The following KALRN variants were observed in gnomAD, a reference collection of about 807,000 sequenced individuals.
The protein encoded by KALRN is kalirin.
Under a neutral mutation model 353.7 loss-of-function variants are expected in KALRN, and 70 were observed. That is an observed-to-expected ratio of 0.20 (90% CI 0.16 to 0.24). The LOEUF (loss-of-function observed/expected upper bound fraction) is 0.24. Ranked by LOEUF, KALRN falls within the 10% of genes least tolerant of loss-of-function variation. The pLI, the probability that KALRN is intolerant of heterozygous loss-of-function variation, is 1.00. For missense variants in KALRN, 2,791 were observed against 3,756.7 expected, an observed-to-expected ratio of 0.74 and a Z score of 6.72; for synonymous variants, 1,391 against 1,434.8, an observed-to-expected ratio of 0.97 and a Z score of 0.69.
chr3:124,127,353 T>C (rs1263270609), intron 1 of KALRN, among the ~76,000 whole-genome samples: 1 of 152,182 alleles, frequency 6.6e-6, no homozygotes, highest in Non-Finnish European at 1.5e-5. Flanking sequence ...AATTATACTG[T>C]CAGAGTGATT....
At chr3:124,657,329 G>A in intron 39 of KALRN, 119 bp from the exon 40 acceptor site, 1 of 681,358 alleles carries the variant, frequency 1.5e-6, no homozygotes, top group Non-Finnish European at 2.6e-6. Flanking sequence ...AACCACAGAA[G>A]CATTTGTCCG....
rs140118877 is a variant in KALRN, at chr3:124,643,036, T to C, written c.5664+5733T>C. Reference sequence around the variant, plus strand: ...TTCTCCATGTTGGTCAGGCTGGTCTTGAACTCTCAACCTCACGTGATCCGC... The same window carrying C: ...TTCTCCATGTTGGTCAGGCTGGTCTCGAACTCTCAACCTCACGTGATCCGC... On this transcript the variant is annotated intron_variant, in intron 37 of 59. Coordinates refer to ENST00000682506, the MANE Select transcript of KALRN (RefSeq NM_001388419.1). 6.9e-3 allele frequency among the ~76,000 whole-genome samples: 1,051 copies of C among 152,070 alleles called. 57 individuals are homozygous for C. The East Asian group carries it at 0.15, about 22-fold the overall frequency.
At chr3:124,209,599 G>A (rs1432933354) in intron 1 of KALRN, among the ~76,000 whole-genome samples, 1 of 151,444 alleles carries the variant, frequency 6.6e-6, no homozygotes, top group Non-Finnish European at 1.5e-5. Flanking sequence ...ACTGTATCCT[G>A]AAATGCTAAA....
At chr3:124,355,173 A>G (rs946764309) in intron 10 of KALRN, among the ~76,000 whole-genome samples, 2 of 152,226 alleles carry the variant, frequency 1.3e-5, no homozygotes, top group Admixed American at 6.5e-5. Flanking sequence ...TAGTTTGTGT[A>G]TAAACTCCCA....
At chr3:124,198,532 A>G (rs1049530696) in intron 1 of KALRN, among the ~76,000 whole-genome samples, 3 of 152,046 alleles carry the variant, frequency 2.0e-5, no homozygotes, top group Non-Finnish European at 2.9e-5. Context: ...CCCTGAGGGG[A>G]GGATAAGCTG....
chr3:124,655,710 G>A (rs188828127), intron 39 of KALRN, 43 bp downstream of exon 39: 3 of 1,454,452 alleles, frequency 2.1e-6, no homozygotes, highest in Non-Finnish European at 2.9e-6. Context: ...ACCCAACCAG[G>A]AGCACGTTGG....
intron 34 of KALRN, among the ~76,000 whole-genome samples, chr3:124,585,221 G>A (rs762956461): frequency 6.6e-6 from 1 of 152,236 alleles, no homozygotes; most frequent in Admixed American, 6.5e-5. Context: ...CGGACGCGGG[G>A]GTGGGAAGGG....
intron 39 of KALRN, among the ~76,000 whole-genome samples, chr3:124,656,339 G>T (rs765520217): frequency 6.6e-5 from 10 of 152,274 alleles, no homozygotes; most frequent in Admixed American, 3.3e-4. Context: ...GGCCGGGTGC[G>T]GTGGCTCATG....
intron 6 of KALRN, among the ~76,000 whole-genome samples, chr3:124,316,695 C>A (rs2078846842): frequency 6.6e-6 from 1 of 152,124 alleles, no homozygotes; most frequent in Admixed American, 6.6e-5. Context: ...TATCCTTTTC[C>A]CAGGCATATT....
At chr3:124,235,870 G>A (rs1024021156) in intron 3 of KALRN, among the ~76,000 whole-genome samples, 3 of 152,210 alleles carry the variant, frequency 2.0e-5, no homozygotes, top group African/African-American at 4.8e-5. Flanking sequence ...ATTACAGGGA[G>A]GAGCTATATA....
rs146145511 is a variant in KALRN, at chr3:124,672,059, C to T, written c.6942+161C>T. On this transcript the variant is annotated intron_variant, in intron 48 of 59. Coordinates refer to ENST00000682506, the MANE Select transcript of KALRN (RefSeq NM_001388419.1). ...CGCCTCCCAGGTTCAAGCGAATTCTCCTGTCTCAGCCTCCCGAGTAGCTGG... is the reference window on the plus strand; with the variant it reads ...CGCCTCCCAGGTTCAAGCGAATTCTTCTGTCTCAGCCTCCCGAGTAGCTGG... 1.6e-3 allele frequency among the ~76,000 whole-genome samples: 242 copies of T among 152,334 alleles called. 3 individuals carry two copies. The highest frequency in any genetic ancestry group is 5.8e-3 in the African/African-American group (241 of 41,584).
At chr3:124,475,242 A>G (rs1279974935) in intron 26 of KALRN, among the ~76,000 whole-genome samples, 1 of 152,072 alleles carries the variant, frequency 6.6e-6, no homozygotes, top group Non-Finnish European at 1.5e-5. Context: ...AATTGGTTAC[A>G]TTTTCTTCTT....
intron 3 of KALRN, among the ~76,000 whole-genome samples, chr3:124,248,949 C>A (rs1449695742): frequency 1.3e-5 from 2 of 152,250 alleles, no homozygotes; most frequent in African/African-American, 4.8e-5. Flanking sequence ...TCCTGGATCT[C>A]CAGACCATAA....
chr3:124,248,586 G>A (rs1233247520), intron 3 of KALRN, among the ~76,000 whole-genome samples: 1 of 152,206 alleles, frequency 6.6e-6, no homozygotes, highest in African/African-American at 2.4e-5. Context: ...GTCAGCCATG[G>A]TGACTCAGCA....
chr3:124,351,644 G>A (rs2082846564), intron 10 of KALRN, among the ~76,000 whole-genome samples: 2 of 152,208 alleles, frequency 1.3e-5, no homozygotes, highest in Admixed American at 1.3e-4. Context: ...CCACCCTAGG[G>A]ATAGTGGAGG....
intron 17 of KALRN, among the ~76,000 whole-genome samples, chr3:124,437,263 G>T (rs2093501505): frequency 6.6e-6 from 1 of 152,238 alleles, no homozygotes; most frequent in African/African-American, 2.4e-5. Context: ...GACTAGAGAA[G>T]TCACCTCAAG....
At chr3:124,422,664 G>A in intron 14 of KALRN, 148 bp from the exon 15 acceptor site, 1 of 646,350 alleles carries the variant, frequency 1.5e-6, no homozygotes, top group Non-Finnish European at 2.7e-6. Context: ...GCGCATTGTG[G>A]TGCCCAGTTT....
intron 34 of KALRN, among the ~76,000 whole-genome samples, chr3:124,567,243 G>A (rs898541535): frequency 3.3e-5 from 5 of 152,080 alleles, no homozygotes; most frequent in South Asian, 4.1e-4. Context: ...GCACTAGCCC[G>A]GTCTCCTCTC....
At position 124,666,488 on chromosome 3, in the gene KALRN, A is replaced by G; in HGVS notation, c.6385A>G (p.Thr2129Ala). The G allele has an allele frequency of 6.2e-7, 1 of 1,614,034 alleles. No individual in the cohort carries two copies. The highest frequency in any genetic ancestry group is 8.5e-7 in the Non-Finnish European group (1 of 1,179,888). Residue 2129 changes from threonine to alanine, a missense_variant, in exon 46 of 60, where the codon ACA becomes GCA. Physicochemically the swap from Thr to Ala is moderately conservative, Grantham distance 58 (BLOSUM62 0). Transcript: ENST00000682506. The part of the protein sequence containing the change: ...TAQGKLLQQD[T>A]FYVIELDAGM... ...TCAGGGGAAGCTGCTGCAGCAGGAC[A>G]CATTCTATGTGATCGAGCTGGATGC... is the stretch of plus-strand genomic sequence containing the variant.
Sources: allele counts gnomAD v4.1 joint callset (sites outside exome capture counted in the v4.1 genomes callset), GRCh38; gene constraint gnomAD v4.1.1; transcripts MANE v1.5; gene names NCBI Gene and HGNC (gene_info 2026-07-23, HGNC 2026-07-21).